The following SETBP1 variants were observed in gnomAD, a reference collection of about 807,000 sequenced individuals.
SETBP1 encodes SET binding protein 1.
In SETBP1, 9 loss-of-function variants were observed where a neutral mutation model predicts 101.0. The observed-to-expected ratio is 0.09, with a 90% confidence interval of 0.05 to 0.16. The LOEUF (loss-of-function observed/expected upper bound fraction) is 0.16. Ranked by LOEUF, SETBP1 falls within the 10% of genes least tolerant of loss-of-function variation. The pLI is 1.00. For synonymous variants in SETBP1, 818 were observed against 788.5 expected (o/e 1.04, Z -0.63); for missense variants, 1,858 against 2,033.8 (o/e 0.91, Z 1.66).
At chr18:44,822,614 C>A (rs1359033058) in intron 2 of SETBP1, among the ~76,000 whole-genome samples, 5 of 152,216 alleles carry the variant, frequency 3.3e-5, no homozygotes, top group African/African-American at 1.2e-4. Context: ...GTTCTGCTAA[C>A]CCTATTCACC....
Position 44,816,079 on chromosome 18 carries a change from G to A in SETBP1, c.487-53151G>A, listed in dbSNP as rs186193147. Among the ~76,000 whole-genome samples the A allele has an allele frequency of 5.3e-5, 8 of 152,330 alleles. No individual in the cohort carries two copies. The East Asian group carries it at 1.2e-3, about 22-fold the overall frequency. ...GAGACCCTGGGAACCAGGGACAATA[G>A]ATGAAAGAAGGAGGCCTGGGAGACA... On this transcript the variant is annotated intron_variant, in intron 2 of 5. Transcript: ENST00000649279.
chr18:44,745,513 T>A (rs959631671), intron 2 of SETBP1, among the ~76,000 whole-genome samples: 1 of 152,238 alleles, frequency 6.6e-6, no homozygotes, highest in Non-Finnish European at 1.5e-5. Flanking sequence ...AAGGAAGGCA[T>A]GCCTGTATTT....
chr18:44,999,905 A>C (rs2072581764), intron 4 of SETBP1, among the ~76,000 whole-genome samples: 1 of 152,242 alleles, frequency 6.6e-6, no homozygotes. Flanking sequence ...ATCATAGTGA[A>C]ATTAAATACA....
At chr18:44,810,100 C>T (rs1468570633) in intron 2 of SETBP1, among the ~76,000 whole-genome samples, 1 of 152,196 alleles carries the variant, frequency 6.6e-6, no homozygotes, top group East Asian at 1.9e-4. Context: ...AGCTCTTATC[C>T]TGGGTACCCT....
chr18:45,040,369 G>A (rs1386261775), intron 5 of SETBP1, among the ~76,000 whole-genome samples: 1 of 152,110 alleles, frequency 6.6e-6, no homozygotes, highest in Non-Finnish European at 1.5e-5. Flanking sequence ...GGATCAAGTT[G>A]GGCAGAGTCT....
chr18:44,834,132 A>T (rs12963892), intron 2 of SETBP1, among the ~76,000 whole-genome samples: 2 of 152,182 alleles, frequency 1.3e-5, no homozygotes, highest in East Asian at 3.9e-4. Context: ...CTCATTTAGC[A>T]TGAGATAATG....
chr18:44,810,525 C>T (rs2071839185), intron 2 of SETBP1, among the ~76,000 whole-genome samples: 1 of 152,154 alleles, frequency 6.6e-6, no homozygotes, highest in Non-Finnish European at 1.5e-5. Context: ...ATAATGGAAC[C>T]CCCAAACAGC....
In SETBP1 at chr18:44,856,723, A is replaced by G. The variant is rs145301503; in HGVS notation, c.487-12507A>G. Among the ~76,000 whole-genome samples, 544 of 152,318 alleles carry G rather than the reference A, an allele frequency of 3.6e-3. 10 individuals are homozygous for G. The South Asian group carries it at 0.037, about 10-fold the overall frequency. On this transcript the variant is annotated intron_variant, in intron 2 of 5. Transcript: ENST00000649279. ...TATGTGGAAATAAGCTGTGTTTGTT[A>G]TAGTTGGAGTGCTTATTAATATCCT...
At chr18:44,975,623 T>C (rs895776594) in intron 4 of SETBP1, among the ~76,000 whole-genome samples, 3 of 152,146 alleles carry the variant, frequency 2.0e-5, no homozygotes, top group Non-Finnish European at 4.4e-5. Context: ...AGTTTGATTA[T>C]CAGAATATTA....
At chr18:45,060,869 G>A (rs1029963671) in intron 5 of SETBP1, among the ~76,000 whole-genome samples, 28 of 152,186 alleles carry the variant, frequency 1.8e-4, no homozygotes, top group African/African-American at 6.8e-4. Flanking sequence ...CAAATGACCT[G>A]CAGCTCATGG....
At chr18:44,887,899 T>C (rs1165280692) in intron 3 of SETBP1, among the ~76,000 whole-genome samples, 2 of 152,070 alleles carry the variant, frequency 1.3e-5, no homozygotes, top group South Asian at 2.1e-4. Flanking sequence ...GGTTATCCAA[T>C]TGTAAATACC....
intron 5 of SETBP1, among the ~76,000 whole-genome samples, chr18:45,048,094 G>A (rs2073648132): frequency 6.6e-6 from 1 of 152,154 alleles, no homozygotes; most frequent in African/African-American, 2.4e-5. Flanking sequence ...TCAGAAACTT[G>A]GACTCTTTCT....
Position 44,853,666 on chromosome 18 carries a change from T to C in SETBP1, c.487-15564T>C, listed in dbSNP as rs116301101. Among the ~76,000 whole-genome samples the C allele has an allele frequency of 1.2e-3, 189 of 152,340 alleles. 1 individual carries two copies. Among genetic ancestry groups the C allele is most frequent in the African/African-American group, 4.4e-3 (181 of 41,584 alleles). ...CATTCTAACTGCACAAGTGAATAAA[T>C]TGAGCTGAATATGTGAAATGATAAG... On this transcript the variant is annotated intron_variant, in intron 2 of 5. Coordinates refer to ENST00000649279, the MANE Select transcript of SETBP1 (RefSeq NM_015559.3).
intron 2 of SETBP1, among the ~76,000 whole-genome samples, chr18:44,764,541 C>T (rs536465779): frequency 1.4e-4 from 21 of 152,200 alleles, no homozygotes; most frequent in African/African-American, 4.6e-4. Context: ...GGTGCGATCT[C>T]GGCTCATTGC....
At chr18:45,054,205 T>G (rs75223408) in intron 5 of SETBP1, among the ~76,000 whole-genome samples, 1 of 152,102 alleles carries the variant, frequency 6.6e-6, no homozygotes, top group Admixed American at 6.5e-5. Flanking sequence ...TTTTTTTTTT[T>G]GAGATAGAGT....
intron 1 of SETBP1, among the ~76,000 whole-genome samples, chr18:44,691,958 G>A (rs1452513155): frequency 2.6e-5 from 4 of 152,206 alleles, no homozygotes; most frequent in Admixed American, 6.5e-5. Context: ...TTAGAATGTG[G>A]AATTCCTGAC....
chr18:44,893,695 T>C (rs595032), intron 3 of SETBP1, among the ~76,000 whole-genome samples: 81,795 of 151,646 alleles, frequency 0.54, 22,077 homozygotes, highest in Non-Finnish European at 0.55. Flanking sequence ...GGGGTCAATA[T>C]AAGCAAGAGA....
At chr18:44,884,004 T>C (rs144647194) in intron 3 of SETBP1, among the ~76,000 whole-genome samples, 10 of 152,160 alleles carry the variant, frequency 6.6e-5, no homozygotes, top group African/African-American at 2.2e-4. Flanking sequence ...CCACTGGGAG[T>C]TGATTGAAAG....
chr18:44,935,185 C>T (rs1297088137), intron 3 of SETBP1, among the ~76,000 whole-genome samples: 1 of 152,176 alleles, frequency 6.6e-6, no homozygotes, highest in African/African-American at 2.4e-5. Context: ...GCACCAAATG[C>T]TTGCAGTTCA....
Sources: allele counts gnomAD v4.1 joint callset (sites outside exome capture counted in the v4.1 genomes callset), GRCh38; gene constraint gnomAD v4.1.1; transcripts MANE v1.5; gene names NCBI Gene and HGNC (gene_info 2026-07-23, HGNC 2026-07-21).